The following TECTA variants were observed in gnomAD, a reference collection of about 807,000 sequenced individuals.
TECTA encodes tectorin alpha, also known as alpha-tectorin.
A neutral mutation model predicts 216.8 loss-of-function variants in TECTA; 128 were observed. That is an observed-to-expected ratio of 0.59 (90% confidence interval 0.51 to 0.68). TECTA has a LOEUF of 0.68. Among genes scored for constraint, TECTA ranks in the 30% least tolerant of loss-of-function variants. TECTA has a pLI of 0.00. For missense variants in TECTA, 2,551 were observed against 2,786.2 expected, an observed-to-expected ratio of 0.92 and a Z score of 1.90; for synonymous variants, 1,089 against 1,117.1, an observed-to-expected ratio of 0.97 and a Z score of 0.50.
chr11:121,113,426 C>T lies in TECTA; in HGVS notation c.625-127C>T, dbSNP rs1946463722. On this transcript the variant is annotated intron_variant, in intron 5 of 23. Transcript: ENST00000392793. The surrounding 1 kb of genome is among the most constrained non-coding windows in gnomAD (Gnocchi z 4.2). ...TCCTTTCTCACCTAGAATGCTGGCCCCAGTGACTCCAGGAAAAGACGGCTC... is the reference window on the plus strand; with the variant it reads ...TCCTTTCTCACCTAGAATGCTGGCCTCAGTGACTCCAGGAAAAGACGGCTC... 4 of 1,454,432 alleles carry T rather than the reference C, an allele frequency of 2.8e-6. No homozygotes were observed. The highest frequency in any genetic ancestry group is 1.2e-5 in the South Asian group (1 of 86,686). 90.1% of individuals were successfully genotyped at this position (1,454,432 alleles called of 1,614,324 possible).
Position 121,157,895 on chromosome 11 carries a change from C to T in TECTA, c.4360C>T (p.Arg1454Cys). ...DCTRRCRCFR[R>C]NVIQCDPRQC... is the part of the protein sequence containing the mutation. ...CACGCGGCGCTGCCGCTGTTTCCGT[C>T]GCAACGTGATTCAGTGCGACCCGCG... Residue 1454 changes from arginine to cysteine, a missense_variant, in exon 14 of 24, where the codon CGC (arginine) becomes TGC (cysteine). Arg to Cys is a radical substitution (Grantham distance 180). Coordinates refer to ENST00000392793, the MANE Select transcript of TECTA (RefSeq NM_005422.4). The T allele has an allele frequency of 3.7e-6, 6 of 1,614,220 alleles. No individual in the cohort carries two copies. Among genetic ancestry groups the T allele is most frequent in the Non-Finnish European group, 5.1e-6 (6 of 1,180,044 alleles).
intron 14 of TECTA, among the ~76,000 whole-genome samples, chr11:121,158,721 C>T (rs1402775458): frequency 6.6e-6 from 1 of 152,002 alleles, no homozygotes; most frequent in Non-Finnish European, 1.5e-5. Context: ...CCGAGGGCCC[C>T]GTGATGACAT....
intron 13 of TECTA, among the ~76,000 whole-genome samples, chr11:121,157,017 G>A (rs1436721026): frequency 6.6e-6 from 1 of 152,156 alleles, no homozygotes; most frequent in Non-Finnish European, 1.5e-5. Context: ...ATTGGAAGCA[G>A]ACTAGACACA....
chr11:121,128,323 C>A lies in TECTA; in HGVS notation c.2346C>A (p.Gly782=), dbSNP rs764344124. 3.1e-6 allele frequency: 5 copies of A among 1,599,544 alleles called. No homozygotes were observed. The highest frequency in any genetic ancestry group is 4.2e-6 in the Non-Finnish European group (5 of 1,179,960). ...CCGACCAGGAGGTCAAGATAGGAGG[C>A]ATCGGGGCTTCGGAAGTCAAGGTAA... is the stretch of plus-strand genomic sequence containing the variant. ...LVADQEVKIG[G]IGASEVKLNG... is the part of the protein sequence containing the mutation. The change falls in exon 9 of 24, where the codon GGC becomes GGA. Residue 782 remains glycine, a synonymous_variant. Coordinates refer to ENST00000392793, the MANE Select transcript of TECTA (RefSeq NM_005422.4).
chr11:121,135,681 C>G (rs1335971109), intron 10 of TECTA, among the ~76,000 whole-genome samples: 1 of 152,198 alleles, frequency 6.6e-6, no homozygotes, highest in Admixed American at 6.5e-5. Flanking sequence ...CAATTTATTT[C>G]TCTGTAATGT....
intron 17 of TECTA, 51 bp downstream of exon 17, chr11:121,165,434 T>G: frequency 6.8e-7 from 1 of 1,478,834 alleles, no homozygotes; most frequent in Non-Finnish European, 9.2e-7. Context: ...TGGGAGATGC[T>G]GCTCTGGGGA....
Position 121,191,208 on chromosome 11 carries a change from T to C in TECTA, c.*402T>C, listed in dbSNP as rs942878842. The C allele has an allele frequency of 8.0e-5, 24 of 300,348 alleles. No individual in the cohort carries two copies. The highest frequency in any genetic ancestry group is 2.5e-5 in the Non-Finnish European group (4 of 157,330). The allele number at this position is 300,348 out of a possible 1,614,324, so 18.6% of individuals were successfully genotyped here. A position where few individuals can be genotyped will look rare whatever the true frequency, so the allele number is the denominator to read the frequency against. The stretch of plus-strand genomic sequence containing the variant: ...AGAGAGAGGGCCTGTTGGAACGATT[T>C]TGAAGTGATGACTGGAAGGTTTGAC... On this transcript the variant is annotated 3_prime_UTR_variant, in exon 24 of 24. Coordinates refer to ENST00000392793, the MANE Select transcript of TECTA (RefSeq NM_005422.4).
In TECTA at chr11:121,130,063, C is replaced by A. The variant is rs750710717; in HGVS notation, c.2793C>A (p.Asn931Lys). ...TCCTGGAGTGCCATGGGGTGGTGAA[C>A]GTCACTGCCTATTACCGCACCTGCC... ...SSFLECHGVV[N>K]VTAYYRTCLF... Residue 931 changes from asparagine to lysine, a missense_variant, in exon 10 of 24, where the codon AAC (asparagine) becomes AAA (lysine). Physicochemically the swap from Asn to Lys is moderately conservative, Grantham distance 94 (BLOSUM62 0). Around this residue, in one of 3 missense-constraint regions of TECTA, gnomAD observed 2,375 missense variants for 2,563.9 expected, o/e 0.93. Coordinates refer to ENST00000392793, the MANE Select transcript of TECTA (RefSeq NM_005422.4). 2 of 1,614,112 alleles carry A rather than the reference C, an allele frequency of 1.2e-6. No homozygotes were observed. Among genetic ancestry groups the A allele is most frequent in the Admixed American group, 1.7e-5 (1 of 60,026 alleles).
intron 20 of TECTA, among the ~76,000 whole-genome samples, chr11:121,175,368 G>A (rs1947155107): frequency 6.6e-6 from 1 of 152,020 alleles, no homozygotes; most frequent in African/African-American, 2.4e-5. Context: ...CTTTGAGTGT[G>A]TCCCAGAGAT....
chr11:121,108,510 C>T (rs1249655649), intron 3 of TECTA, among the ~76,000 whole-genome samples: 1 of 149,534 alleles, frequency 6.7e-6, no homozygotes, highest in Non-Finnish European at 1.5e-5. Flanking sequence ...CACTGCCCAC[C>T]CCAGTACACA....
At chr11:121,108,555 C>T (rs1462407032) in intron 3 of TECTA, among the ~76,000 whole-genome samples, 1 of 148,218 alleles carries the variant, frequency 6.7e-6, no homozygotes, top group Non-Finnish European at 1.5e-5. Flanking sequence ...TACACACCAC[C>T]CCCAGTACAC....
intron 13 of TECTA, among the ~76,000 whole-genome samples, chr11:121,157,152 G>A (rs923827409): frequency 5.9e-5 from 9 of 152,174 alleles, no homozygotes; most frequent in African/African-American, 2.2e-4. Context: ...TTTCATCTTT[G>A]AAGCAGAGTC....
At chr11:121,166,456 G>T in intron 17 of TECTA, 122 bp from the exon 18 acceptor site, 1 of 944,740 alleles carries the variant, frequency 1.1e-6, no homozygotes. Context: ...TAGAAATGCT[G>T]CAGCCTTGGA....
chr11:121,159,922 G>A (rs551744198), intron 14 of TECTA, among the ~76,000 whole-genome samples: 4 of 152,300 alleles, frequency 2.6e-5, no homozygotes, highest in Admixed American at 2.6e-4. Context: ...CTTGCTGCCT[G>A]TTTGTGTAAA....
chr11:121,118,487 G>A lies in TECTA; in HGVS notation c.972G>A (p.Val324=). 1 of 1,614,208 alleles carries A rather than the reference G, an allele frequency of 6.2e-7. No individual in the cohort carries two copies. Among genetic ancestry groups the A allele is most frequent in the Non-Finnish European group, 8.5e-7 (1 of 1,180,042 alleles). Residue 324 remains valine (V), a synonymous_variant, in exon 7 of 24, where the codon GTG becomes GTA. Coordinates refer to ENST00000392793, the MANE Select transcript of TECTA (RefSeq NM_005422.4). ...CTGTGGAGACCAGCACATGCGTGGT[G>A]TTTGGGGAGCCACACTACCACACTT... ...CSAVETSTCV[V]FGEPHYHTFD... is the part of the protein sequence containing the mutation.
In TECTA at chr11:121,162,134, A is replaced by G; in HGVS notation, c.5036A>G (p.Asn1679Ser). ...QFSQYAAMCD[N>S]VHIQKMQGDG... The stretch of plus-strand genomic sequence containing the variant: ...TCACAGTATGCAGCCATGTGTGACA[A>G]TGTGCACATCCAGAAGATGCAGGGT... The change falls in exon 16 of 24, where the codon AAT becomes AGT. Residue 1679 changes from asparagine to serine, a missense_variant. By Grantham distance (46) the Asn-to-Ser change is conservative. Coordinates refer to ENST00000392793, the MANE Select transcript of TECTA (RefSeq NM_005422.4). The G allele has an allele frequency of 6.2e-7, 1 of 1,614,182 alleles. No individual in the cohort carries two copies. The highest frequency in any genetic ancestry group is 8.5e-7 in the Non-Finnish European group (1 of 1,180,044).
At chr11:121,155,760 A>G (rs1238881012) in intron 13 of TECTA, among the ~76,000 whole-genome samples, 6 of 152,158 alleles carry the variant, frequency 3.9e-5, no homozygotes, top group African/African-American at 1.4e-4. Context: ...GACACAGTCT[A>G]TTTATTGGTA....
chr11:121,188,957 T>C (rs994612286), intron 21 of TECTA, 123 bp from the exon 22 acceptor site: 33 of 925,520 alleles, frequency 3.6e-5, no homozygotes, highest in Non-Finnish European at 5.6e-5. Flanking sequence ...TTGGTTCTAA[T>C]TAATCTGAGC....
In TECTA at chr11:121,117,429, T is replaced by A. The variant is rs188188194; in HGVS notation, c.791-877T>A. Among the ~76,000 whole-genome samples the A allele has an allele frequency of 7.2e-5, 11 of 152,340 alleles. No homozygotes were observed. The East Asian group carries it at 2.1e-3, about 29-fold the overall frequency. The stretch of plus-strand genomic sequence containing the variant: ...GACGTGTTTCTATTTCAATTAAAGG[T>A]TGATGTTAGCAACCAGAAAATTTCA... On this transcript the variant is annotated intron_variant, in intron 6 of 23. Transcript: ENST00000392793.
Sources: allele counts gnomAD v4.1 joint callset (sites outside exome capture counted in the v4.1 genomes callset), GRCh38; gene constraint gnomAD v4.1.1; regional missense constraint gnomAD v4.1.1; non-coding constraint Gnocchi (gnomAD v3.1); transcripts MANE v1.5; gene names NCBI Gene and HGNC (gene_info 2026-07-23, HGNC 2026-07-21).